The following PER3 variants were observed in gnomAD, a reference collection of about 807,000 sequenced individuals.
PER3 encodes the protein period circadian regulator 3.
PER3 carries 107 observed loss-of-function variants against 127.2 expected under a neutral mutation model. The observed-to-expected ratio is 0.84, with a 90% CI of 0.72 to 0.99. The LOEUF (loss-of-function observed/expected upper bound fraction) is 0.99, where lower values mean the gene tolerates loss of function less well. PER3 is among the 50% of genes least tolerant of loss of function. The pLI is 0.00. For synonymous variants in PER3, 618 were observed against 585.8 expected (o/e 1.05, Z -0.79); for missense variants, 1,560 against 1,525.8 (o/e 1.02, Z -0.37).
intron 8 of PER3, among the ~76,000 whole-genome samples, chr1:7,801,950 A>G (rs1262509351): frequency 2.0e-5 from 3 of 152,184 alleles, no homozygotes; most frequent in Non-Finnish European, 4.4e-5. Flanking sequence ...ATAATTTTTT[A>G]TTAAAAAAAT....
At chr1:7,824,282 C>T (rs563579642) in intron 16 of PER3, among the ~76,000 whole-genome samples, 24 of 152,156 alleles carry the variant, frequency 1.6e-4, no homozygotes, top group African/African-American at 4.8e-4. Flanking sequence ...AAGCAAAAAT[C>T]GACAAAATAG....
chr1:7,791,250 T>C (rs1333067453), intron 5 of PER3, among the ~76,000 whole-genome samples: 1 of 152,254 alleles, frequency 6.6e-6, no homozygotes, highest in Non-Finnish European at 1.5e-5. Flanking sequence ...TCCTCTGAAA[T>C]CTAGGCAGAG....
chr1:7,844,470 TGTA>T lies in PER3; in HGVS notation c.*1719_*1721del, dbSNP rs1349964334. 6.6e-6 allele frequency: 1 copy of T among 152,590 alleles called. No individual in the cohort carries two copies. Among genetic ancestry groups the T allele is most frequent in the African/African-American group, 2.4e-5 (1 of 41,466 alleles). 9.5% of individuals were successfully genotyped at this position (152,590 alleles called of 1,614,324 possible). A position where few individuals can be genotyped will look rare whatever the true frequency, so the allele number is the denominator to read the frequency against. ...AGTAGATTGTCTGTCAGTGACCTTC[TGTA>T]GTAATAAAGTTTTTGCCACTGTAAA... On this transcript the variant is annotated 3_prime_UTR_variant, in exon 22 of 22. Transcript: ENST00000377532.
chr1:7,793,964 A>C lies in PER3; in HGVS notation c.600A>C (p.Ala200=). 2 of 1,613,986 alleles carry C rather than the reference A, an allele frequency of 1.2e-6. No individual in the cohort carries two copies. Among genetic ancestry groups the C allele is most frequent in the South Asian group, 2.2e-5 (2 of 91,092 alleles). The part of the protein sequence containing the change: ...FWNNWTQRAA[A]RYECAPVKPF... ...AGGCATCTTTCTTTCTAGCAGCTGC[A>C]CGGTATGAATGTGCTCCGGTGAAAC... Residue 200 remains alanine, a synonymous_variant, in exon 6 of 22, where the codon GCA becomes GCC. Transcript: ENST00000377532.
intron 12 of PER3, 92 bp downstream of exon 12, chr1:7,810,113 G>A (rs2097212955): frequency 8.2e-7 from 1 of 1,221,954 alleles, no homozygotes; most frequent in Non-Finnish European, 1.1e-6. Context: ...ATATATTCCT[G>A]ACTTGAAGAC....
At position 7,803,694 on chromosome 1, in the gene PER3, T is replaced by C. The variant is rs2097180569; in HGVS notation, c.982T>C (p.Leu328=). Reference sequence around the variant, plus strand: ...TTTTGTCTTATTATTTTATATAGTTTTGAAGTATGCAGGGCATCCTCCCTT... The same window carrying C: ...TTTTGTCTTATTATTTTATATAGTTCTGAAGTATGCAGGGCATCCTCCCTT... The part of the protein sequence containing the change: ...SLMVAIHQKV[L]KYAGHPPFEH... Residue 328 remains leucine (L), a splice_region_variant and synonymous_variant, in exon 10 of 22, where the codon TTG becomes CTG. Coordinates refer to ENST00000377532, the MANE Select transcript of PER3 (RefSeq NM_001377275.1). 6.3e-7 allele frequency: 1 copy of C among 1,585,322 alleles called. No individual in the cohort carries two copies. Among genetic ancestry groups the C allele is most frequent in the Middle Eastern group, 1.7e-4 (1 of 5,992 alleles).
chr1:7,824,948 C>T (rs1269836384), intron 16 of PER3, among the ~76,000 whole-genome samples: 2 of 152,178 alleles, frequency 1.3e-5, no homozygotes, highest in African/African-American at 4.8e-5. Context: ...CCAGGCTGCA[C>T]GCTGGGGCAG....
chr1:7,832,161 TG>T lies in PER3; in HGVS notation c.3214+2002del, dbSNP rs769297871. On this transcript the variant is annotated intron_variant, in intron 19 of 21. Coordinates refer to ENST00000377532, the MANE Select transcript of PER3 (RefSeq NM_001377275.1). ...ATTTTATCTAATTTGTTGAATATAT[TG>T]GCATAAAGTTTTTAATATTCCCTTT... Among the ~76,000 whole-genome samples the T allele has an allele frequency of 6.6e-5, 10 of 152,226 alleles. No homozygotes were observed. The South Asian group carries it at 1.2e-3, about 19-fold the overall frequency.
intron 10 of PER3, chr1:7,804,104 C>T (rs1558413026): frequency 3.0e-6 from 1 of 331,770 alleles, no homozygotes; most frequent in East Asian, 4.9e-5. Flanking sequence ...TTATATTGGT[C>T]AATGAAAATT....
chr1:7,835,671 C>T, intron 19 of PER3, 91 bp from the exon 20 acceptor site: 1 of 855,786 alleles, frequency 1.2e-6, no homozygotes, highest in South Asian at 1.7e-5. Context: ...AGGAGGAGGA[C>T]TGTCCGAGGC....
intron 19 of PER3, among the ~76,000 whole-genome samples, chr1:7,830,850 A>C (rs1411869769): frequency 6.6e-6 from 1 of 152,222 alleles, no homozygotes; most frequent in Admixed American, 6.5e-5. Context: ...GCTTTAGGCC[A>C]ATACCACACT....
chr1:7,788,262 T>A lies in PER3; in HGVS notation c.592+16T>A, dbSNP rs768742422. ...ACCCAAAGAGGTAACAGGACCAATG[T>A]TCAGATGTCTATCTTTCCTCATCAA... On this transcript the variant is annotated intron_variant, in intron 5 of 21. Transcript: ENST00000377532. 6.5e-7 allele frequency: 1 copy of A among 1,540,498 alleles called. No homozygotes were observed. The highest frequency in any genetic ancestry group is 1.1e-5 in the South Asian group (1 of 89,438).
rs1431205616 is a variant in PER3, at chr1:7,806,806, A to ATAT, written c.1137-2087_1137-2086insTAT. ...AAGACCCTGTCTCTTAAAAAAAAAA[A>ATAT]AAAAAAATATATATATATATATATA... is the stretch of plus-strand genomic sequence containing the variant. On this transcript the variant is annotated intron_variant, in intron 10 of 21. Coordinates refer to ENST00000377532, the MANE Select transcript of PER3 (RefSeq NM_001377275.1). 7.2e-3 allele frequency among the ~76,000 whole-genome samples: 422 copies of ATAT among 58,506 alleles called. 2 individuals carry two copies. Among genetic ancestry groups the ATAT allele is most frequent in the East Asian group, 0.062 (26 of 418 alleles). The allele number at this position is 58,506 out of a possible 152,430, so 38.4% of individuals were successfully genotyped here. A position where few individuals can be genotyped will look rare whatever the true frequency, so the allele number is the denominator to read the frequency against.
At position 7,810,812 on chromosome 1, in the gene PER3, T is replaced by G. The variant is rs535423373; in HGVS notation, c.1522+224T>G. ...GGTATTAGAATGTATTTGTAACAGT[T>G]GCAGTTCACTTTTACTGAAGAATTA... On this transcript the variant is annotated intron_variant, in intron 13 of 21. Transcript: ENST00000377532. The G allele has an allele frequency of 1.3e-4, 48 of 360,786 alleles. No homozygotes were observed. The East Asian group carries it at 2.0e-3, about 15-fold the overall frequency. The allele number at this position is 360,786 out of a possible 1,614,324, so 22.3% of individuals were successfully genotyped here.
At chr1:7,822,129 G>A (rs1480820275) in intron 16 of PER3, among the ~76,000 whole-genome samples, 2 of 152,096 alleles carry the variant, frequency 1.3e-5, no homozygotes, top group African/African-American at 2.4e-5. Flanking sequence ...ATGTAGGCCA[G>A]GCACAGTGGC....
chr1:7,835,667 A>AG, intron 19 of PER3, 95 bp from the exon 20 acceptor site: 1 of 808,906 alleles, frequency 1.2e-6, no homozygotes, highest in Non-Finnish European at 2.0e-6. Flanking sequence ...GCTGAGGAGG[A>AG]GGACTGTCCG....
chr1:7,840,113 G>A (rs980306539), intron 21 of PER3, among the ~76,000 whole-genome samples: 2 of 151,986 alleles, frequency 1.3e-5, no homozygotes, highest in Non-Finnish European at 2.9e-5. Flanking sequence ...TCAATTGTCC[G>A]GTCTTCATAC....
intron 19 of PER3, 90 bp downstream of exon 19, chr1:7,830,251 T>A: frequency 8.5e-7 from 1 of 1,173,448 alleles, no homozygotes; most frequent in Non-Finnish European, 1.2e-6. Context: ...GGCACTGATG[T>A]GGAAGTACAA....
intron 19 of PER3, among the ~76,000 whole-genome samples, chr1:7,831,833 C>T (rs1411686791): frequency 1.3e-5 from 2 of 152,090 alleles, no homozygotes; most frequent in Non-Finnish European, 2.9e-5. Flanking sequence ...GAATATTGGT[C>T]CATTTACTTT....
Sources: gnomAD v4.1 joint callset for allele counts (sites outside exome capture counted in the v4.1 genomes callset) on GRCh38, gnomAD v4.1.1 for gene constraint, MANE v1.5 for transcripts, NCBI Gene and HGNC (gene_info 2026-07-23, HGNC 2026-07-21) for gene names.